Variants in MYO3B observed in about 807,000 individuals in gnomAD.
MYO3B encodes the protein myosin IIIB.
Under a neutral mutation model 174.6 loss-of-function variants are expected in MYO3B, and 156 were observed. The observed-to-expected ratio is 0.89, with a 90% CI of 0.78 to 1.02. MYO3B has a LOEUF of 1.02. Ranked by LOEUF, MYO3B falls within the 50% of genes least tolerant of loss-of-function variation. The probability of loss-of-function intolerance (pLI) is 0.00; values close to 1 mark genes in which losing one functional copy is unlikely to be tolerated. For missense variants in MYO3B, 1,632 were observed against 1,639.4 expected (o/e 1.00, Z 0.08); for synonymous variants, 563 against 569.1 (o/e 0.99, Z 0.15).
chr2:170,416,713 ACT>A (rs946508117), intron 22 of MYO3B, among the ~76,000 whole-genome samples: 2 of 125,470 alleles, frequency 1.6e-5, no homozygotes, highest in African/African-American at 6.4e-5. Context: ...TCTTTCATTT[ACT>A]CTGTTTTTGT....
At chr2:170,299,713 A>G (rs1396240645) in intron 7 of MYO3B, among the ~76,000 whole-genome samples, 1 of 152,194 alleles carries the variant, frequency 6.6e-6, no homozygotes, top group Non-Finnish European at 1.5e-5. Flanking sequence ...AGCTTTCATT[A>G]TTTTCCCCTT....
chr2:170,634,747 T>G (rs554754373), intron 32 of MYO3B, among the ~76,000 whole-genome samples: 6 of 152,280 alleles, frequency 3.9e-5, no homozygotes, highest in Non-Finnish European at 7.3e-5. Context: ...ATCCAGAATC[T>G]ACAAAGAACT....
intron 6 of MYO3B, among the ~76,000 whole-genome samples, chr2:170,223,193 C>T (rs1403869312): frequency 6.6e-6 from 1 of 152,160 alleles, no homozygotes; most frequent in African/African-American, 2.4e-5. Context: ...TGAACCTTCT[C>T]TTTACCTGAT....
chr2:170,392,970 G>A (rs982701872), intron 16 of MYO3B, among the ~76,000 whole-genome samples: 1 of 151,732 alleles, frequency 6.6e-6, no homozygotes, highest in Non-Finnish European at 1.5e-5. Flanking sequence ...TATGCAAGTA[G>A]CTCCTTAGGT....
chr2:170,476,179 G>A (rs1325300607), intron 25 of MYO3B, among the ~76,000 whole-genome samples: 1 of 152,200 alleles, frequency 6.6e-6, no homozygotes. Context: ...ACGTGCAGGA[G>A]CTGGGACAAG....
In MYO3B at chr2:170,211,328, C is replaced by T. The variant is rs138013368; in HGVS notation, c.322-3051C>T. ...TAAAGGCCTTTTAAATAAACCATAACTTGGACATCCACTTTTAATTAAACT... is the reference window on the plus strand; with the variant it reads ...TAAAGGCCTTTTAAATAAACCATAATTTGGACATCCACTTTTAATTAAACT... On this transcript the variant is annotated intron_variant, in intron 3 of 34. Transcript: ENST00000408978. Among the ~76,000 whole-genome samples, 1,196 of 152,284 alleles carry T rather than the reference C, an allele frequency of 7.9e-3. 7 individuals are homozygous for T. Among genetic ancestry groups the T allele is most frequent in the Non-Finnish European group, 0.011 (742 of 68,012 alleles).
intron 32 of MYO3B, among the ~76,000 whole-genome samples, chr2:170,637,499 G>C (rs1697618197): frequency 6.6e-6 from 1 of 152,088 alleles, no homozygotes; most frequent in East Asian, 1.9e-4. Flanking sequence ...TAAAAGGGGT[G>C]GGGGCAGGAA....
At chr2:170,642,228 A>G (rs1698031810) in intron 32 of MYO3B, among the ~76,000 whole-genome samples, 1 of 152,166 alleles carries the variant, frequency 6.6e-6, no homozygotes, top group South Asian at 2.1e-4. Flanking sequence ...TTCATTCGTC[A>G]TTTGTTGAGA....
chr2:170,633,099 G>A (rs942393411), intron 32 of MYO3B, among the ~76,000 whole-genome samples: 9 of 152,226 alleles, frequency 5.9e-5, no homozygotes, highest in East Asian at 5.8e-4. Context: ...GAAAAAGAGG[G>A]AATCCTCCCT....
intron 8 of MYO3B, among the ~76,000 whole-genome samples, chr2:170,353,811 C>G (rs1460467034): frequency 6.6e-6 from 1 of 152,172 alleles, no homozygotes; most frequent in Non-Finnish European, 1.5e-5. Context: ...GAAAACAGGA[C>G]TTGGTGGCAT....
At chr2:170,505,184 GGGGGAGA>G (rs1048147152) in intron 28 of MYO3B, among the ~76,000 whole-genome samples, 27 of 152,100 alleles carry the variant, frequency 1.8e-4, no homozygotes, top group South Asian at 1.3e-3. Context: ...TGAGATGTAG[GGGGGAGA>G]GGGGAGAGGG....
chr2:170,437,024 T>G (rs2094759475), intron 22 of MYO3B, among the ~76,000 whole-genome samples: 1 of 152,174 alleles, frequency 6.6e-6, no homozygotes, highest in Non-Finnish European at 1.5e-5. Context: ...TTTTGTAAGT[T>G]GTCTTGTTGA....
At chr2:170,601,753 G>C (rs773619737) in intron 32 of MYO3B, 2 of 1,433,360 alleles carry the variant, frequency 1.4e-6, no homozygotes, top group Non-Finnish European at 1.9e-6. Context: ...ATATGTAGCT[G>C]TATCCTTTTT....
At position 170,185,481 on chromosome 2, in the gene MYO3B, C is replaced by A. The variant is rs535409659; in HGVS notation, c.2+7192C>A. ...ATGCATTGATTTGTTTCTGTGTTCT[C>A]TATTCTGTCCTATTGGTCTATATAA... On this transcript the variant is annotated intron_variant, in intron 1 of 34. Coordinates refer to ENST00000408978, the MANE Select transcript of MYO3B (RefSeq NM_138995.5). Among the ~76,000 whole-genome samples, 29 of 152,244 alleles carry A rather than the reference C, an allele frequency of 1.9e-4. 1 individual carries two copies. Among genetic ancestry groups the A allele is most frequent in the African/African-American group, 6.3e-4 (26 of 41,570 alleles).
At chr2:170,261,512 A>G (rs997573703) in intron 7 of MYO3B, among the ~76,000 whole-genome samples, 2 of 152,200 alleles carry the variant, frequency 1.3e-5, no homozygotes, top group Non-Finnish European at 2.9e-5. Flanking sequence ...TGATTTTGCC[A>G]CTGCATTCTA....
intron 32 of MYO3B, chr2:170,647,058 C>T (rs756656192): frequency 1.1e-5 from 5 of 462,298 alleles, no homozygotes; most frequent in South Asian, 4.2e-5. Flanking sequence ...ATGTCACTAA[C>T]GTCTTCTTAT....
intron 32 of MYO3B, among the ~76,000 whole-genome samples, chr2:170,568,665 A>G (rs755365909): frequency 3.9e-5 from 6 of 152,360 alleles, no homozygotes; most frequent in South Asian, 2.1e-4. Flanking sequence ...ATACCTTTGC[A>G]TATCAATGAG....
At chr2:170,374,663 T>A (rs1234424755) in intron 9 of MYO3B, among the ~76,000 whole-genome samples, 1 of 152,020 alleles carries the variant, frequency 6.6e-6, no homozygotes, top group African/African-American at 2.4e-5. Context: ...TCACCTCTCC[T>A]GGGTCTAACC....
chr2:170,629,566 C>T (rs926582777), intron 32 of MYO3B, among the ~76,000 whole-genome samples: 18 of 152,166 alleles, frequency 1.2e-4, no homozygotes, highest in African/African-American at 2.9e-4. Flanking sequence ...AGCCACACAA[C>T]GGGCTGGGTG....
Sources: allele counts gnomAD v4.1 joint callset (sites outside exome capture counted in the v4.1 genomes callset), GRCh38; gene constraint gnomAD v4.1.1; transcripts MANE v1.5; gene names NCBI Gene and HGNC (gene_info 2026-07-23, HGNC 2026-07-21).